Variants in TTLL5 observed in about 807,000 individuals in gnomAD.
The protein encoded by TTLL5 is tubulin polyglutamylase TTLL5.
A neutral mutation model predicts 168.4 loss-of-function variants in TTLL5; 132 were observed. The ratio of observed to expected loss-of-function variants is 0.78; its 90% CI spans 0.68 to 0.91. TTLL5 has a LOEUF of 0.91. TTLL5 is among the 40% of genes least tolerant of loss of function. The probability of loss-of-function intolerance (pLI) is 0.00; values close to 1 mark genes in which losing one functional copy is unlikely to be tolerated. For missense variants in TTLL5, 1,545 were observed against 1,581.5 expected (o/e 0.98, Z 0.39); for synonymous variants, 546 against 558.6 (o/e 0.98, Z 0.32).
At chr14:75,776,536 A>C (rs537171847) in intron 22 of TTLL5, among the ~76,000 whole-genome samples, 1 of 152,360 alleles carries the variant, frequency 6.6e-6, no homozygotes, top group African/African-American at 2.4e-5. Flanking sequence ...TCATTCTGCA[A>C]CTTTTACTTG....
chr14:75,675,944 G>A (rs940381143), intron 3 of TTLL5, among the ~76,000 whole-genome samples: 1 of 152,204 alleles, frequency 6.6e-6, no homozygotes, highest in Non-Finnish European at 1.5e-5. Context: ...ACCCTGGGAA[G>A]TTGGTGGTCC....
At chr14:75,917,662 C>T (rs1054342794) in intron 31 of TTLL5, among the ~76,000 whole-genome samples, 1 of 152,216 alleles carries the variant, frequency 6.6e-6, no homozygotes, top group African/African-American at 2.4e-5. Context: ...GGGCCTTCTG[C>T]CTCTACTCCC....
chr14:75,707,610 T>C lies in TTLL5; in HGVS notation c.656-13T>C, dbSNP rs756424092. 5.3e-6 allele frequency: 4 copies of C among 758,752 alleles called. No homozygotes were observed. The highest frequency in any genetic ancestry group is 7.4e-6 in the Non-Finnish European group (4 of 543,698). The allele number at this position is 758,752 out of a possible 1,614,324, so 47.0% of individuals were successfully genotyped here. On this transcript the variant is annotated splice_polypyrimidine_tract_variant and intron_variant, in intron 8 of 31. Coordinates refer to ENST00000298832, the MANE Select transcript of TTLL5 (RefSeq NM_015072.5). ...TTAGTTTTTTTTTGTGAATACAAAC[T>C]TTTTTTTTTTAGATTTCAAGTTTGA... is the stretch of plus-strand genomic sequence containing the variant.
chr14:75,837,823 A>G (rs1895953852), intron 28 of TTLL5, among the ~76,000 whole-genome samples: 1 of 152,112 alleles, frequency 6.6e-6, no homozygotes, highest in Non-Finnish European at 1.5e-5. Flanking sequence ...AAACATATAT[A>G]TATGTGTATA....
chr14:75,882,623 A>G (rs1476664671), intron 29 of TTLL5, 62 bp from the exon 30 acceptor site: 3 of 1,441,560 alleles, frequency 2.1e-6, no homozygotes, highest in East Asian at 2.3e-5. Flanking sequence ...GACTAGTTAC[A>G]TACAGTAAAT....
chr14:75,816,974 ATTTT>A (rs35736530), intron 27 of TTLL5, among the ~76,000 whole-genome samples: 1 of 96,084 alleles, frequency 1.0e-5, no homozygotes, highest in Admixed American at 1.4e-4. Flanking sequence ...TCCCTGTCTT[ATTTT>A]TTTTTTTTTT....
intron 28 of TTLL5, among the ~76,000 whole-genome samples, chr14:75,848,140 T>C (rs1315312518): frequency 6.6e-6 from 1 of 151,964 alleles, no homozygotes; most frequent in Non-Finnish European, 1.5e-5. Context: ...CAGAGGCAGG[T>C]TACTGGAGCC....
intron 30 of TTLL5, among the ~76,000 whole-genome samples, chr14:75,893,718 T>C (rs1245211461): frequency 6.7e-6 from 1 of 149,620 alleles, no homozygotes; most frequent in African/African-American, 2.5e-5. Context: ...CTCAGGATGC[T>C]GAGGCAGGAG....
rs750454110 is a variant in TTLL5 at position 75,775,574 on chromosome 14, G to C, written c.2227G>C (p.Glu743Gln). The change falls in exon 22 of 32, where the codon GAA becomes CAA. Residue 743 changes from glutamate (E) to glutamine (Q), a missense_variant. Coordinates refer to ENST00000298832, the MANE Select transcript of TTLL5 (RefSeq NM_015072.5). ...ACCCAGTCGACGATTGGCACTTCTG[G>C]AACGCAGAAGAATCCTGGCCCACCA... ...VLPSRRLALL[E>Q]RRRILAHQLG... 1 of 1,614,048 alleles carries C rather than the reference G, an allele frequency of 6.2e-7. No homozygotes were observed. Among genetic ancestry groups the C allele is most frequent in the Admixed American group, 1.7e-5 (1 of 60,010 alleles).
At position 75,762,480 on chromosome 14, in the gene TTLL5, A is replaced by G. The variant is rs144334367; in HGVS notation, c.1551-2135A>G. Among the ~76,000 whole-genome samples the G allele has an allele frequency of 1.4e-4, 22 of 152,314 alleles. No individual in the cohort carries two copies. The East Asian group carries it at 3.5e-3, about 24-fold the overall frequency. ...ATCCAACTTATTTTTAGGAAATTCA[A>G]TTGTTTGTTAATTAACCAATATTTA... On this transcript the variant is annotated intron_variant, in intron 18 of 31. Transcript: ENST00000298832.
At chr14:75,773,012 G>A (rs1264595455) in intron 21 of TTLL5, among the ~76,000 whole-genome samples, 1 of 152,072 alleles carries the variant, frequency 6.6e-6, no homozygotes, top group East Asian at 1.9e-4. Context: ...AAGGAGAGGG[G>A]CCTTTAAGTC....
intron 28 of TTLL5, among the ~76,000 whole-genome samples, chr14:75,842,213 T>A (rs534010687): frequency 4.7e-4 from 72 of 152,336 alleles, no homozygotes; most frequent in Middle Eastern, 3.4e-3. Flanking sequence ...TATCCTCCAA[T>A]CTGGAGTACA....
intron 29 of TTLL5, among the ~76,000 whole-genome samples, chr14:75,872,692 C>A (rs1331571672): frequency 6.6e-6 from 1 of 152,020 alleles, no homozygotes; most frequent in Admixed American, 6.6e-5. Context: ...GATGAATCAC[C>A]TGAGATTGGG....
At chr14:75,883,119 G>T (rs2031907284) in intron 30 of TTLL5, among the ~76,000 whole-genome samples, 1 of 152,238 alleles carries the variant, frequency 6.6e-6, no homozygotes, top group Non-Finnish European at 1.5e-5. Context: ...TACCCTGTGG[G>T]AGGGACAGGC....
intron 31 of TTLL5, among the ~76,000 whole-genome samples, chr14:75,920,162 A>G (rs2033775474): frequency 6.6e-6 from 1 of 152,132 alleles, no homozygotes; most frequent in Non-Finnish European, 1.5e-5. Context: ...GAAATGTAAA[A>G]GACAGCCCAC....
intron 27 of TTLL5, among the ~76,000 whole-genome samples, chr14:75,801,605 C>A (rs1424843466): frequency 6.6e-6 from 1 of 152,060 alleles, no homozygotes; most frequent in Admixed American, 6.6e-5. Context: ...TCCCTACTTC[C>A]CCCCACCCTC....
intron 31 of TTLL5, among the ~76,000 whole-genome samples, chr14:75,930,249 A>C (rs2034231085): frequency 6.6e-6 from 1 of 152,216 alleles, no homozygotes. Flanking sequence ...GAACACATAC[A>C]AGGTAAAACA....
intron 27 of TTLL5, among the ~76,000 whole-genome samples, chr14:75,817,830 C>CTTTTTTTTTTT (rs1045988787): frequency 2.4e-3 from 201 of 83,878 alleles, no homozygotes; most frequent in African/African-American, 3.8e-3. Flanking sequence ...CTTTTCTTTT[C>CTTTTTTTTTTT]TTTTTTTTTT....
chr14:75,684,361 A>G (rs1362203582), intron 5 of TTLL5: 2 of 152,198 alleles, frequency 1.3e-5, no homozygotes, highest in East Asian at 1.9e-4. Flanking sequence ...AGAAATTTTC[A>G]GGGTTCCAAA....
Sources: allele counts gnomAD v4.1 joint callset (sites outside exome capture counted in the v4.1 genomes callset), GRCh38; gene constraint gnomAD v4.1.1; transcripts MANE v1.5; gene names NCBI Gene and HGNC (gene_info 2026-07-23, HGNC 2026-07-21).